The following PDIA6 variants were observed in gnomAD, a reference collection of about 807,000 sequenced individuals.
The protein encoded by PDIA6 is protein disulfide isomerase family A member 6.
Under a neutral mutation model 58.4 loss-of-function variants are expected in PDIA6, and 29 were observed. The ratio of observed to expected loss-of-function variants is 0.50; its 90% CI spans 0.37 to 0.68. The LOEUF is 0.68. PDIA6 is among the 30% of genes least tolerant of loss of function. The pLI, the probability that PDIA6 is intolerant of heterozygous loss-of-function variation, is 0.00. For synonymous variants in PDIA6, 192 were observed against 202.6 expected (o/e 0.95, Z 0.44); for missense variants, 480 against 551.0 (o/e 0.87, Z 1.29).
chr2:10,793,775 A>G (rs777667002), intron 4 of PDIA6, among the ~76,000 whole-genome samples: 9 of 152,240 alleles, frequency 5.9e-5, no homozygotes, highest in Non-Finnish European at 1.2e-4. Flanking sequence ...TGGATGAATA[A>G]GAAGCTTAAT....
At position 10,784,177 on chromosome 2, in the gene PDIA6, T is replaced by G; in HGVS notation, c.*81A>C. 1 of 1,018,536 alleles carries G rather than the reference T, an allele frequency of 9.8e-7. No individual in the cohort carries two copies. Among genetic ancestry groups the G allele is most frequent in the Non-Finnish European group, 1.5e-6 (1 of 671,002 alleles). 63.1% of individuals were successfully genotyped at this position (1,018,536 alleles called of 1,614,324 possible). A position where few individuals can be genotyped will look rare whatever the true frequency, so the allele number is the denominator to read the frequency against. ...AAGGCCACTGGTAGAGTCATCTGAG[T>G]GTAGAGAATGTCCCTTCACTGCTGG... On this transcript the variant is annotated 3_prime_UTR_variant, in exon 13 of 13. Coordinates refer to ENST00000272227, the MANE Select transcript of PDIA6 (RefSeq NM_005742.4).
chr2:10,790,523 G>A (rs1665984611), intron 7 of PDIA6, among the ~76,000 whole-genome samples, 196 bp downstream of exon 7: 1 of 152,226 alleles, frequency 6.6e-6, no homozygotes, highest in Admixed American at 6.5e-5. Flanking sequence ...ACCAGAAGCA[G>A]TGTGACATTA....
chr2:10,816,443 C>T (rs1182492275), upstream of PDIA6, among the ~76,000 whole-genome samples: 1 of 150,442 alleles, frequency 6.6e-6, no homozygotes, highest in African/African-American at 2.4e-5. Context: ...CAGGCTCCAG[C>T]CTAGAGTCAG....
chr2:10,793,180 A>G lies in PDIA6; in HGVS notation c.369T>C (p.Ile123=). 3 of 1,613,860 alleles carry G rather than the reference A, an allele frequency of 1.9e-6. No individual in the cohort carries two copies. Among genetic ancestry groups the G allele is most frequent in the Middle Eastern group, 1.7e-4 (1 of 6,060 alleles). Reference sequence around the variant, plus strand: ...GCAGAGCACTCAGCGCAGCATCTACAATGGCTTCACCAGTTCTGCCACCTA... The same window carrying G: ...GCAGAGCACTCAGCGCAGCATCTACGATGGCTTCACCAGTTCTGCCACCTA... ...DYQGGRTGEA[I]VDAALSALRQ... Residue 123 remains isoleucine, a synonymous_variant, in exon 5 of 13, where the codon ATT becomes ATC. Coordinates refer to ENST00000272227, the MANE Select transcript of PDIA6 (RefSeq NM_005742.4).
intron 1 of PDIA6, among the ~76,000 whole-genome samples, chr2:10,823,606 C>A (rs1340018297): frequency 2.0e-5 from 3 of 152,244 alleles, no homozygotes; most frequent in Non-Finnish European, 4.4e-5. Flanking sequence ...TATTCAAAAT[C>A]TGCTGACATT....
At chr2:10,827,823 C>CAA (rs5829279) in intron 1 of PDIA6, among the ~76,000 whole-genome samples, 1,406 of 120,234 alleles carry the variant, frequency 0.012, 15 homozygotes, top group African/African-American at 0.047. Flanking sequence ...GACTCTGTCT[C>CAA]AAAAAAAAAA....
At chr2:10,829,082 G>T (rs142585429) in intron 1 of PDIA6, among the ~76,000 whole-genome samples, 1,570 of 152,272 alleles carry the variant, frequency 0.01, 25 homozygotes, top group African/African-American at 0.036. Context: ...ACAGGTCTTC[G>T]TGCCCTTCTC....
At chr2:10,811,614 G>C (rs1191393881) in intron 1 of PDIA6, among the ~76,000 whole-genome samples, 3 of 152,242 alleles carry the variant, frequency 2.0e-5, no homozygotes, top group Non-Finnish European at 2.9e-5. Flanking sequence ...GAGTGGTTAA[G>C]TAACTTGCTC....
chr2:10,811,560 T>G (rs898812091), intron 1 of PDIA6, among the ~76,000 whole-genome samples: 1 of 152,180 alleles, frequency 6.6e-6, no homozygotes, highest in East Asian at 1.9e-4. Flanking sequence ...AGTACTATTA[T>G]CAGTCCCTAA....
chr2:10,813,786 T>C (rs1220254642), upstream of PDIA6, among the ~76,000 whole-genome samples: 1 of 151,622 alleles, frequency 6.6e-6, no homozygotes, highest in Non-Finnish European at 1.5e-5. Context: ...CAGGTGCATG[T>C]CACCACGCCC....
intron 8 of PDIA6, 34 bp downstream of exon 8, chr2:10,789,715 G>C (rs1041326485): frequency 6.2e-7 from 1 of 1,604,232 alleles, no homozygotes; most frequent in Non-Finnish European, 8.5e-7. Context: ...AGCTAAAAAA[G>C]CTTTCTGGAC....
Position 10,784,166 on chromosome 2 carries a change from A to C in PDIA6, c.*92T>G, listed in dbSNP as rs1324853374. Reference sequence around the variant, plus strand: ...TTCTTGGTTAAAAGGCCACTGGTAGAGTCATCTGAGTGTAGAGAATGTCCC... The same window carrying C: ...TTCTTGGTTAAAAGGCCACTGGTAGCGTCATCTGAGTGTAGAGAATGTCCC... On this transcript the variant is annotated 3_prime_UTR_variant, in exon 13 of 13. Coordinates refer to ENST00000272227, the MANE Select transcript of PDIA6 (RefSeq NM_005742.4). The C allele has an allele frequency of 1.1e-6, 1 of 880,640 alleles. No homozygotes were observed. The highest frequency in any genetic ancestry group is 1.8e-6 in the Non-Finnish European group (1 of 562,116). 54.6% of individuals were successfully genotyped at this position (880,640 alleles called of 1,614,324 possible). A position where few individuals can be genotyped will look rare whatever the true frequency, so the allele number is the denominator to read the frequency against.
At chr2:10,812,984 G>A, upstream of PDIA6, 1 of 389,526 alleles carries the variant, frequency 2.6e-6, no homozygotes, top group Non-Finnish European at 3.9e-6. Context: ...GGGGCCTGCT[G>A]GGGGCGGGGC....
At chr2:10,789,084 C>T (rs1313066077) in intron 8 of PDIA6, 103 bp from the exon 9 acceptor site, 8 of 814,186 alleles carry the variant, frequency 9.8e-6, no homozygotes, top group Non-Finnish European at 1.5e-5. Context: ...TCATTGAAAA[C>T]ATTTCTCCCA....
At chr2:10,805,723 T>C (rs1666701938) in intron 1 of PDIA6, among the ~76,000 whole-genome samples, 1 of 100,338 alleles carries the variant, frequency 1.0e-5, no homozygotes, top group African/African-American at 3.0e-5. Flanking sequence ...TGGAATACTA[T>C]GCAGCCATAA....
chr2:10,833,142 C>T (rs1026220044), upstream of PDIA6, among the ~76,000 whole-genome samples: 1 of 152,182 alleles, frequency 6.6e-6, no homozygotes, highest in Non-Finnish European at 1.5e-5. Context: ...ATGTAGAGCC[C>T]AGGCTCTGTG....
At chr2:10,810,171 C>T (rs1666943070) in intron 1 of PDIA6, 8 of 774,248 alleles carry the variant, frequency 1.0e-5, no homozygotes, top group Non-Finnish European at 8.8e-6. Flanking sequence ...ATTTAAGAAC[C>T]CTATGTGGTA....
At chr2:10,800,518 C>T (rs1666457790) in intron 2 of PDIA6, among the ~76,000 whole-genome samples, 1 of 119,210 alleles carries the variant, frequency 8.4e-6, no homozygotes, top group Admixed American at 9.2e-5. Flanking sequence ...ATCATATTTC[C>T]ATACTTTAGG....
chr2:10,785,879 AT>A (rs753169739), intron 11 of PDIA6, among the ~76,000 whole-genome samples: 1 of 152,096 alleles, frequency 6.6e-6, no homozygotes, highest in Non-Finnish European at 1.5e-5. Context: ...CACCTGGCCT[AT>A]TTTTTGTATT....
Sources: allele counts gnomAD v4.1 joint callset (sites outside exome capture counted in the v4.1 genomes callset), GRCh38; gene constraint gnomAD v4.1.1; transcripts MANE v1.5; gene names NCBI Gene and HGNC (gene_info 2026-07-23, HGNC 2026-07-21).